RGS6: variants seen among roughly 807,000 people sequenced by gnomAD.
The protein encoded by RGS6 is regulator of G protein signaling 6.
RGS6 carries 30 observed loss-of-function variants against 78.5 expected under a neutral mutation model. The observed-to-expected ratio is 0.38, with a 90% CI of 0.29 to 0.52. The LOEUF is 0.52. RGS6 is among the 20% of genes least tolerant of loss of function. The pLI is 0.85. For synonymous variants in RGS6, 206 were observed against 206.0 expected, an observed-to-expected ratio of 1.00 and a Z score of 0.00; for missense variants, 495 against 609.7, an observed-to-expected ratio of 0.81 and a Z score of 1.98.
At chr14:72,034,833 T>C (rs1215855379) in intron 2 of RGS6, among the ~76,000 whole-genome samples, 1 of 152,184 alleles carries the variant, frequency 6.6e-6, no homozygotes, top group East Asian at 1.9e-4. Flanking sequence ...ACTTACTTAG[T>C]TTCCTTTCCA....
intron 2 of RGS6, among the ~76,000 whole-genome samples, chr14:72,180,389 A>G (rs2097158821): frequency 2.0e-5 from 3 of 152,256 alleles, no homozygotes; most frequent in Non-Finnish European, 4.4e-5. Flanking sequence ...ATTGAATAGA[A>G]TGGGAAATGA....
chr14:72,372,599 T>C (rs988837129), intron 3 of RGS6, among the ~76,000 whole-genome samples: 6 of 152,132 alleles, frequency 3.9e-5, no homozygotes, highest in African/African-American at 1.4e-4. Context: ...AACTTCTAGG[T>C]TGGGTGTAGG....
chr14:72,211,778 GAAA>G (rs1252921957), intron 2 of RGS6, among the ~76,000 whole-genome samples: 2 of 152,158 alleles, frequency 1.3e-5, no homozygotes, highest in African/African-American at 4.8e-5. Flanking sequence ...CAGCCCAGAG[GAAA>G]AAAGAAGAGG....
chr14:72,144,555 C>T (rs766919599), intron 2 of RGS6, among the ~76,000 whole-genome samples: 3 of 152,060 alleles, frequency 2.0e-5, no homozygotes, highest in Admixed American at 6.5e-5. Context: ...TCCATTTATT[C>T]GTATTTATCG....
In RGS6 at chr14:72,316,896, AGTGTGTGTGTGT is replaced by A. The variant is rs71109731; in HGVS notation, c.85-35170_85-35159del. 3.4e-3 allele frequency among the ~76,000 whole-genome samples: 479 copies of A among 141,922 alleles called. 2 individuals are homozygous for A. The highest frequency in any genetic ancestry group is 0.012 in the African/African-American group (452 of 37,692). 93.1% of individuals were successfully genotyped at this position (141,922 alleles called of 152,430 possible). On this transcript the variant is annotated intron_variant, in intron 2 of 17. Transcript: ENST00000553525. ...GGTATAGAGAATTGAAAGCAGGTGA[AGTGTGTGTGTGT>A]GTGTGTGTGTGTGTGTGTGTGTGTG...
chr14:72,236,917 G>A (rs781234484), intron 2 of RGS6, among the ~76,000 whole-genome samples: 3 of 152,238 alleles, frequency 2.0e-5, no homozygotes, highest in Non-Finnish European at 2.9e-5. Flanking sequence ...AGACGGGGCG[G>A]CGGCATTCTT....
At chr14:72,073,510 G>A (rs1460937518) in intron 2 of RGS6, among the ~76,000 whole-genome samples, 1 of 152,150 alleles carries the variant, frequency 6.6e-6, no homozygotes, top group Admixed American at 6.6e-5. Context: ...AGCCTGTCCT[G>A]GCAGCTCAGG....
chr14:72,604,286 C>T, the RGS6 span, among the ~76,000 whole-genome samples: 87 of 152,240 alleles, frequency 5.7e-4, no homozygotes, highest in Admixed American at 7.2e-4. Flanking sequence ...TAAACGGAGG[C>T]GGGTTTGTTC....
the RGS6 span, among the ~76,000 whole-genome samples, chr14:72,589,930 A>T: frequency 6.6e-6 from 1 of 152,342 alleles, no homozygotes; most frequent in Admixed American, 6.5e-5. Flanking sequence ...TCCAAAATAT[A>T]AAACAATCTT....
chr14:72,426,687 A>G (rs1184703383), intron 3 of RGS6, among the ~76,000 whole-genome samples: 3 of 152,222 alleles, frequency 2.0e-5, no homozygotes, highest in African/African-American at 7.2e-5. Context: ...AGTTTGTCCC[A>G]TCATATTCCT....
chr14:72,249,799 A>G (rs1480962752), intron 2 of RGS6, among the ~76,000 whole-genome samples: 1 of 152,132 alleles, frequency 6.6e-6, no homozygotes, highest in Non-Finnish European at 1.5e-5. Context: ...ACGTATGTTT[A>G]TTGCGGCATT....
At chr14:72,612,993 CGTGTGTGTGTGTGTGTGTGT>C in the RGS6 span, among the ~76,000 whole-genome samples, 1 of 148,852 alleles carries the variant, frequency 6.7e-6, no homozygotes, top group Non-Finnish European at 1.5e-5. Flanking sequence ...TTAAGTAGGG[CGTGTGTGTGTGTGTGTGTGT>C]GTGTGTGTGT....
At chr14:72,432,761 C>T (rs2094706198) in intron 3 of RGS6, among the ~76,000 whole-genome samples, 2 of 152,198 alleles carry the variant, frequency 1.3e-5, no homozygotes, top group Admixed American at 6.5e-5. Flanking sequence ...AAATAAGCCA[C>T]ATGCTACCCT....
At chr14:72,257,997 C>T (rs2057411950) in intron 2 of RGS6, among the ~76,000 whole-genome samples, 1 of 152,212 alleles carries the variant, frequency 6.6e-6, no homozygotes, top group African/African-American at 2.4e-5. Flanking sequence ...ATTGTGTGTT[C>T]TTATGCAGTT....
chr14:72,449,778 G>A (rs2095448400), intron 3 of RGS6, among the ~76,000 whole-genome samples: 1 of 152,172 alleles, frequency 6.6e-6, no homozygotes, highest in South Asian at 2.1e-4. Flanking sequence ...GATGGCCAGA[G>A]AGTGGCCAAC....
intron 2 of RGS6, among the ~76,000 whole-genome samples, chr14:72,135,557 A>G (rs2096419699): frequency 1.3e-5 from 2 of 152,212 alleles, no homozygotes; most frequent in South Asian, 4.2e-4. Context: ...ATAAGTTGTT[A>G]CAGCACGAGA....
intron 2 of RGS6, among the ~76,000 whole-genome samples, chr14:71,965,380 T>C (rs1163447005): frequency 1.3e-5 from 2 of 152,208 alleles, no homozygotes; most frequent in Admixed American, 1.3e-4. Context: ...AGGCCAGTTC[T>C]CCCAGCCTCA....
chr14:72,135,178 A>G (rs1220880268), intron 2 of RGS6, among the ~76,000 whole-genome samples: 1 of 152,220 alleles, frequency 6.6e-6, no homozygotes, highest in Admixed American at 6.5e-5. Flanking sequence ...TGAGTTTGCC[A>G]ACCCCTTGGA....
At chr14:71,900,035 C>T in the RGS6 span, among the ~76,000 whole-genome samples, 8 of 152,164 alleles carry the variant, frequency 5.3e-5, no homozygotes, top group South Asian at 4.1e-4. Context: ...TCCTCTGTAG[C>T]GGAGTTTATG....
Sources: gnomAD v4.1 joint callset for allele counts (sites outside exome capture counted in the v4.1 genomes callset) on GRCh38, gnomAD v4.1.1 for gene constraint, MANE v1.5 for transcripts, NCBI Gene and HGNC (gene_info 2026-07-23, HGNC 2026-07-21) for gene names.